Variants in MACROD2 observed in about 807,000 individuals in gnomAD.
MACROD2 encodes the protein mono-ADP ribosylhydrolase 2.
MACROD2 carries 36 observed loss-of-function variants against 70.4 expected under a neutral mutation model. The ratio of observed to expected loss-of-function variants is 0.51; its 90% CI spans 0.39 to 0.68. The LOEUF (loss-of-function observed/expected upper bound fraction) is 0.68, where lower values mean the gene tolerates loss of function less well. Ranked by LOEUF, MACROD2 falls within the 30% of genes least tolerant of loss-of-function variation. The probability of loss-of-function intolerance (pLI) is 0.00; values close to 1 mark genes in which losing one functional copy is unlikely to be tolerated. For missense variants in MACROD2, 496 were observed against 538.4 expected (o/e 0.92, Z 0.78); for synonymous variants, 172 against 178.8 (o/e 0.96, Z 0.30).
At chr20:14,724,500 A>G (rs2071505532) in intron 5 of MACROD2, among the ~76,000 whole-genome samples, 2 of 152,226 alleles carry the variant, frequency 1.3e-5, no homozygotes, top group African/African-American at 4.8e-5. Flanking sequence ...GTAAATGTGC[A>G]TGAAAAAGCA....
chr20:15,409,381 C>T (rs540844406), intron 6 of MACROD2, among the ~76,000 whole-genome samples: 23 of 152,308 alleles, frequency 1.5e-4, no homozygotes, highest in African/African-American at 5.1e-4. Flanking sequence ...TTCTAAGCAT[C>T]ACAATGCTGC....
intron 6 of MACROD2, among the ~76,000 whole-genome samples, chr20:15,236,772 G>A (rs1278321588): frequency 6.6e-6 from 1 of 152,176 alleles, no homozygotes; most frequent in East Asian, 1.9e-4. Context: ...GCCATCTGTA[G>A]GTTGGACCTG....
Position 15,237,467 on chromosome 20 carries a change from C to T in MACROD2, c.540+7406C>T, listed in dbSNP as rs1023071679. ...TGAAAATAGAATTTTACTATAAATA[C>T]TTTCATTTTAAATCATTTTCATATC... On this transcript the variant is annotated intron_variant, in intron 6 of 17. Coordinates refer to ENST00000684519, the MANE Select transcript of MACROD2 (RefSeq NM_001351661.2). 2.6e-5 allele frequency among the ~76,000 whole-genome samples: 4 copies of T among 152,246 alleles called. 1 individual carries two copies. Among genetic ancestry groups the T allele is most frequent in the Admixed American group, 6.5e-5 (1 of 15,292 alleles).
chr20:14,641,465 A>G (rs1985086274), intron 4 of MACROD2, among the ~76,000 whole-genome samples: 1 of 152,216 alleles, frequency 6.6e-6, no homozygotes, highest in Non-Finnish European at 1.5e-5. Context: ...AATCCTTTCC[A>G]GAAGGTTTTC....
chr20:14,361,282 T>G (rs2083219419), intron 3 of MACROD2, among the ~76,000 whole-genome samples: 1 of 152,180 alleles, frequency 6.6e-6, no homozygotes, highest in Non-Finnish European at 1.5e-5. Flanking sequence ...CTTCCATTTT[T>G]AAATCATACC....
intron 5 of MACROD2, among the ~76,000 whole-genome samples, chr20:14,712,771 CAGTT>C (rs1277465485): frequency 5.9e-5 from 9 of 152,080 alleles, no homozygotes; most frequent in Non-Finnish European, 1.2e-4. Context: ...TAATCTCACT[CAGTT>C]AGACTGTTGG....
At chr20:14,245,779 C>T (rs2081964189) in intron 3 of MACROD2, among the ~76,000 whole-genome samples, 1 of 152,122 alleles carries the variant, frequency 6.6e-6, no homozygotes, top group South Asian at 2.1e-4. Context: ...GCCATCACCT[C>T]TACCCCTAAA....
At chr20:15,722,866 A>G (rs2146937320) in intron 8 of MACROD2, among the ~76,000 whole-genome samples, 1 of 152,176 alleles carries the variant, frequency 6.6e-6, no homozygotes, top group African/African-American at 2.4e-5. Flanking sequence ...TTTGCCTTTC[A>G]CTTTTACATC....
At chr20:15,242,648 CATTT>C (rs774662698) in intron 6 of MACROD2, among the ~76,000 whole-genome samples, 7 of 152,042 alleles carry the variant, frequency 4.6e-5, no homozygotes, top group South Asian at 4.1e-4. Context: ...CGTAAGAAAA[CATTT>C]ATTTAGTTCA....
At chr20:15,388,750 A>G (rs1717945623) in intron 6 of MACROD2, among the ~76,000 whole-genome samples, 2 of 152,168 alleles carry the variant, frequency 1.3e-5, no homozygotes, top group African/African-American at 4.8e-5. Context: ...GTTAAAGTCA[A>G]ATGTTTAGGA....
At chr20:15,523,968 C>T (rs2047685728) in intron 8 of MACROD2, among the ~76,000 whole-genome samples, 1 of 152,066 alleles carries the variant, frequency 6.6e-6, no homozygotes, top group Non-Finnish European at 1.5e-5. Context: ...GATCTAGGAA[C>T]TGCAGCACAG....
rs1341194905 is a variant in MACROD2, at chr20:14,986,959, CTGAG to C, written c.419-242978_419-242975del. Among the ~76,000 whole-genome samples, 150 of 152,138 alleles carry C rather than the reference CTGAG, an allele frequency of 9.9e-4. 1 individual carries two copies. The highest frequency in any genetic ancestry group is 1.0e-4 in the Non-Finnish European group (7 of 68,024). On this transcript the variant is annotated intron_variant, in intron 5 of 17. Coordinates refer to ENST00000684519, the MANE Select transcript of MACROD2 (RefSeq NM_001351661.2). ...CGGTACAGCTATATATTGCAATGGA[CTGAG>C]TGTTTGACACACTTGCCCAGAACTC...
intron 3 of MACROD2, among the ~76,000 whole-genome samples, chr20:14,448,029 T>TGA (rs150231125): frequency 2.7e-5 from 4 of 149,486 alleles, no homozygotes; most frequent in African/African-American, 9.8e-5. Context: ...TGTGTGTATC[T>TGA]GAGAGAGAGA....
intron 5 of MACROD2, among the ~76,000 whole-genome samples, chr20:14,994,928 C>T (rs1324485056): frequency 1.3e-5 from 2 of 151,458 alleles, no homozygotes; most frequent in Non-Finnish European, 2.9e-5. Flanking sequence ...TACTTGAGCC[C>T]AGGAGTTTGA....
chr20:15,850,274 G>A (rs776078920), intron 8 of MACROD2, among the ~76,000 whole-genome samples: 1 of 152,080 alleles, frequency 6.6e-6, no homozygotes, highest in Non-Finnish European at 1.5e-5. Context: ...TCCCCCAAGG[G>A]TGATCGAACA....
intron 8 of MACROD2, among the ~76,000 whole-genome samples, chr20:15,749,549 T>C (rs2051236733): frequency 6.6e-6 from 1 of 152,046 alleles, no homozygotes; most frequent in African/African-American, 2.4e-5. Context: ...ACATTGACTT[T>C]TCATTGGTAT....
At chr20:15,469,068 A>G (rs533344280) in intron 7 of MACROD2, among the ~76,000 whole-genome samples, 9 of 152,348 alleles carry the variant, frequency 5.9e-5, no homozygotes, top group East Asian at 3.9e-4. Context: ...ACTAAAGCCA[A>G]TTGCTGACAA....
At chr20:15,001,214 G>A (rs181191672) in intron 5 of MACROD2, among the ~76,000 whole-genome samples, 6 of 152,218 alleles carry the variant, frequency 3.9e-5, no homozygotes, top group Non-Finnish European at 5.9e-5. Flanking sequence ...TGCAGCTGTC[G>A]GTGAGTAAAT....
chr20:14,928,622 G>A (rs2074261571), intron 5 of MACROD2, among the ~76,000 whole-genome samples: 1 of 152,136 alleles, frequency 6.6e-6, no homozygotes, highest in Admixed American at 6.5e-5. Flanking sequence ...TTTCAAAGGT[G>A]CTTGATACCA....
Sources: allele counts gnomAD v4.1 joint callset (sites outside exome capture counted in the v4.1 genomes callset), GRCh38; gene constraint gnomAD v4.1.1; transcripts MANE v1.5; gene names NCBI Gene and HGNC (gene_info 2026-07-23, HGNC 2026-07-21).